Variants in POLE observed in about 807,000 individuals in gnomAD.
The protein encoded by POLE is DNA polymerase epsilon catalytic subunit A.
POLE carries 188 observed loss-of-function variants against 279.2 expected under a neutral mutation model. That is an observed-to-expected ratio of 0.67 (90% CI 0.60 to 0.76). POLE has a LOEUF of 0.76. Ranked by LOEUF, POLE falls within the 30% of genes least tolerant of loss-of-function variation. The probability of loss-of-function intolerance (pLI) is 0.00; values close to 1 mark genes in which losing one functional copy is unlikely to be tolerated. For synonymous variants in POLE, 1,214 were observed against 1,172.5 expected, an observed-to-expected ratio of 1.04 and a Z score of -0.72; for missense variants, 2,703 against 3,016.7, an observed-to-expected ratio of 0.90 and a Z score of 2.44.
intron 5 of POLE, 66 bp downstream of exon 5, chr12:132,679,888 C>G: frequency 8.1e-7 from 1 of 1,228,658 alleles, no homozygotes; most frequent in Non-Finnish European, 1.2e-6. Flanking sequence ...CTCTTCCGAT[C>G]CCACCTGCCA....
chr12:132,672,834 CA>C lies in POLE; in HGVS notation c.1478del (p.Leu493ArgfsTer13), dbSNP rs760070332. 10 of 1,613,508 alleles carry C rather than the reference CA, an allele frequency of 6.2e-6. No individual in the cohort carries two copies. In the African/African-American group the frequency reaches 1.3e-4, roughly 22 times the overall value. On this transcript the variant is annotated frameshift_variant, in exon 15 of 49. Transcript: ENST00000320574. LOFTEE classifies it high-confidence loss of function. Reference protein sequence around the residue: ...TIIPMEPDEVLRKGSGTLCEA... With the variant: ...TIIPMEPDEVXRKGSGTLCEA... ...CACACAGAGTGCCAGAGCCCTTCCG[CA>C]GCACCTGCAAGAGAAACCAAGGCTT...
chr12:132,657,884 T>C lies in POLE; in HGVS notation c.3362A>G (p.Asp1121Gly), dbSNP rs2042581046. 2 of 1,613,000 alleles carry C rather than the reference T, an allele frequency of 1.2e-6. No homozygotes were observed. Among genetic ancestry groups the C allele is most frequent in the Middle Eastern group, 1.6e-4 (1 of 6,062 alleles). Residue 1121 changes from aspartate to glycine, a missense_variant, in exon 27 of 49, where the codon GAC becomes GGC. Coordinates refer to ENST00000320574, the MANE Select transcript of POLE (RefSeq NM_006231.4). ...GGCACTCACTGCTCGAATATCAAAGTCTTGAAGGGAAGAGCTCTTGAGCCA... is the reference window on the plus strand; with the variant it reads ...GGCACTCACTGCTCGAATATCAAAGCCTTGAAGGGAAGAGCTCTTGAGCCA... Reference protein sequence around the residue: ...RKWLKSSSLQDFDIRAILDWD... With the variant: ...RKWLKSSSLQGFDIRAILDWD...
chr12:132,649,143 G>T, intron 31 of POLE, 71 bp from the exon 32 acceptor site: 1 of 1,560,144 alleles, frequency 6.4e-7, no homozygotes, highest in Non-Finnish European at 8.7e-7. Context: ...CACCTTCCAG[G>T]TAGCTTGCAG....
chr12:132,639,369 C>T lies in POLE; in HGVS notation c.5379-71G>A. 6.3e-6 allele frequency: 9 copies of T among 1,439,086 alleles called. No homozygotes were observed. The highest frequency in any genetic ancestry group is 7.7e-6 in the Non-Finnish European group (8 of 1,041,618). 89.1% of individuals were successfully genotyped at this position (1,439,086 alleles called of 1,614,324 possible). On this transcript the variant is annotated intron_variant, in intron 39 of 48. Coordinates refer to ENST00000320574, the MANE Select transcript of POLE (RefSeq NM_006231.4). The surrounding 1 kb of genome is among the most constrained non-coding windows in gnomAD (Gnocchi z 4.7). ...GCTGCTGCCACGCGGGACGCTCCAACTGAAATGGGCACAGGTTTTCCCTAC... is the reference window on the plus strand; with the variant it reads ...GCTGCTGCCACGCGGGACGCTCCAATTGAAATGGGCACAGGTTTTCCCTAC...
In POLE at chr12:132,687,271, C is replaced by G. The variant is rs1314665962; in HGVS notation, c.45G>C (p.Ala15=). 2 of 1,501,146 alleles carry G rather than the reference C, an allele frequency of 1.3e-6. No homozygotes were observed. Among genetic ancestry groups the G allele is most frequent in the Non-Finnish European group, 8.9e-7 (1 of 1,127,454 alleles). The allele number at this position is 1,501,146 out of a possible 1,614,324, so 93.0% of individuals were successfully genotyped here. The change falls in exon 1 of 49, where the codon GCG becomes GCC. Residue 15 remains alanine, a synonymous_variant. Coordinates refer to ENST00000320574, the MANE Select transcript of POLE (RefSeq NM_006231.4). Reference sequence around the variant, plus strand: ...CCCCTCACCTGCTGGCCTCGCCATCCGCGCCTGGGTCCGCGCGCCGCCGCC... The same window carrying G: ...CCCCTCACCTGCTGGCCTCGCCATCGGCGCCTGGGTCCGCGCGCCGCCGCC... ...SGGRRRADPG[A]DGEASRDDGA...
chr12:132,646,558 C>A (rs990201356), intron 32 of POLE, among the ~76,000 whole-genome samples: 4 of 150,230 alleles, frequency 2.7e-5, no homozygotes, highest in African/African-American at 7.3e-5. Context: ...TGGGGCCGGG[C>A]GCCATGGTTC....
intron 25 of POLE, 98 bp from the exon 26 acceptor site, chr12:132,659,607 T>C: frequency 1.0e-6 from 1 of 987,598 alleles, no homozygotes; most frequent in Non-Finnish European, 1.5e-6. Flanking sequence ...TTCTCTAGCC[T>C]GAGACGCAGA....
At position 132,625,604 on chromosome 12, in the gene POLE, T is replaced by A. The variant is rs906399731; in HGVS notation, c.6657+41A>T. On this transcript the variant is annotated intron_variant, in intron 47 of 48. Coordinates refer to ENST00000320574, the MANE Select transcript of POLE (RefSeq NM_006231.4). ...CCGGGAGTGCACAGAAACCCCCCTGTGGACTCCAGGGCACACGGGCAGGCG... is the reference window on the plus strand; with the variant it reads ...CCGGGAGTGCACAGAAACCCCCCTGAGGACTCCAGGGCACACGGGCAGGCG... The A allele has an allele frequency of 2.9e-5, 47 of 1,608,260 alleles. No individual in the cohort carries two copies. Among genetic ancestry groups the A allele is most frequent in the Non-Finnish European group, 3.9e-5 (46 of 1,178,320 alleles).
chr12:132,630,286 T>C (rs2041911303), intron 45 of POLE, among the ~76,000 whole-genome samples: 1 of 152,060 alleles, frequency 6.6e-6, no homozygotes, highest in African/African-American at 2.4e-5. Context: ...AAAATACAGG[T>C]AACCGCTTCG....
intron 47 of POLE, 121 bp from the exon 48 acceptor site, chr12:132,625,115 G>T: frequency 1.3e-6 from 1 of 745,884 alleles, no homozygotes; most frequent in Non-Finnish European, 2.3e-6. Context: ...AGCCCCTGCT[G>T]TGTGCAGCCA....
chr12:132,628,289 A>G (rs1477577896), intron 45 of POLE, among the ~76,000 whole-genome samples: 2 of 152,042 alleles, frequency 1.3e-5, no homozygotes, highest in Non-Finnish European at 2.9e-5. Context: ...GCAGTGAGCC[A>G]AGATCGCGCC....
In POLE at chr12:132,672,811, C is replaced by T; in HGVS notation, c.1502G>A (p.Cys501Tyr). Residue 501 changes from cysteine to tyrosine, a missense_variant, in exon 15 of 49, where the codon TGT becomes TAT. Coordinates refer to ENST00000320574, the MANE Select transcript of POLE (RefSeq NM_006231.4). ...GGCCTGCACCATCAGCAAGGCCTCA[C>T]ACAGAGTGCCAGAGCCCTTCCGCAG... ...EVLRKGSGTL[C>Y]EALLMVQAFH... 6.2e-7 allele frequency: 1 copy of T among 1,614,208 alleles called. No homozygotes were observed. The highest frequency in any genetic ancestry group is 8.5e-7 in the Non-Finnish European group (1 of 1,180,014).
intron 32 of POLE, among the ~76,000 whole-genome samples, chr12:132,648,151 G>A (rs1304480402): frequency 1.3e-5 from 2 of 152,200 alleles, no homozygotes; most frequent in African/African-American, 4.8e-5. Flanking sequence ...GAAAACCCTC[G>A]CAGTTTCTGC....
Position 132,632,513 on chromosome 12 carries a change from A to T in POLE, c.6137-5T>A. On this transcript the variant is annotated splice_polypyrimidine_tract_variant and splice_region_variant and intron_variant, in intron 44 of 48. Coordinates refer to ENST00000320574, the MANE Select transcript of POLE (RefSeq NM_006231.4). ...CCTGAGAGAAGGTGATCATTCCTGG[A>T]AGTATAAGGATGCTGAGGGAGGGGT... The T allele has an allele frequency of 6.2e-7, 1 of 1,613,778 alleles. No homozygotes were observed. Among genetic ancestry groups the T allele is most frequent in the Non-Finnish European group, 8.5e-7 (1 of 1,179,710 alleles).
rs2042384196 is a variant in POLE at position 132,649,870 on chromosome 12, G to A, written c.3602C>T (p.Ser1201Leu). The part of the protein sequence containing the change: ...GRRQVTMAEA[S>L]EDSPRPSAPD... Reference sequence around the variant, plus strand: ...AGCACTTGGCCTCGGACTGTCTTCTGAGGCCTCGGCCATCGTGACCTGGAA... The same window carrying A: ...AGCACTTGGCCTCGGACTGTCTTCTAAGGCCTCGGCCATCGTGACCTGGAA... The change falls in exon 30 of 49, where the codon TCA (serine) becomes TTA (leucine). Residue 1201 changes from serine to leucine, a missense_variant. Ser to Leu is a moderately radical substitution (Grantham distance 145). Around this residue, in one of 5 missense-constraint regions of POLE, gnomAD observed 1,551 missense variants for 1,686.1 expected, o/e 0.92. Coordinates refer to ENST00000320574, the MANE Select transcript of POLE (RefSeq NM_006231.4). 6.2e-7 allele frequency: 1 copy of A among 1,613,980 alleles called. No individual in the cohort carries two copies. Among genetic ancestry groups the A allele is most frequent in the Non-Finnish European group, 8.5e-7 (1 of 1,180,014 alleles).
chr12:132,648,509 G>T, intron 32 of POLE: 1 of 154,094 alleles, frequency 6.5e-6, no homozygotes, highest in Non-Finnish European at 1.4e-5. Context: ...TTAAAAAAAA[G>T]AAAAAAAAAG....
chr12:132,661,640 G>A lies in POLE; in HGVS notation c.2751C>T (p.Ser917=), dbSNP rs750140015. The A allele has an allele frequency of 5.6e-6, 9 of 1,614,046 alleles. No homozygotes were observed. Among genetic ancestry groups the A allele is most frequent in the Non-Finnish European group, 7.6e-6 (9 of 1,180,022 alleles). Residue 917 remains serine (S), a synonymous_variant, in exon 24 of 49, where the codon TCC becomes TCT. Coordinates refer to ENST00000320574, the MANE Select transcript of POLE (RefSeq NM_006231.4). The surrounding 1 kb of genome is among the most constrained non-coding windows in gnomAD (Gnocchi z 4.1). ...CTGAGCGGGTGACGTAGGTGAGTGA[G>A]GACGGCTCAGCCAGCTCCTGGTACT... ...NDQYQELAEP[S]SLTYVTRSEN...
chr12:132,656,762 C>G (rs1216241878), intron 29 of POLE, among the ~76,000 whole-genome samples: 2 of 152,212 alleles, frequency 1.3e-5, no homozygotes, highest in Non-Finnish European at 2.9e-5. Context: ...CTGACTTTCA[C>G]TGTACCTTTT....
intron 1 of POLE, among the ~76,000 whole-genome samples, chr12:132,685,917 C>T (rs949067154): frequency 3.9e-5 from 6 of 152,006 alleles, no homozygotes; most frequent in Admixed American, 3.3e-4. Context: ...TCTTTGTTGC[C>T]CAGCCTGGAG....
Sources: gnomAD v4.1 joint callset for allele counts (sites outside exome capture counted in the v4.1 genomes callset) on GRCh38, gnomAD v4.1.1 for gene constraint, gnomAD v4.1.1 regional missense constraint, Gnocchi (gnomAD v3.1) non-coding constraint, MANE v1.5 for transcripts, NCBI Gene and HGNC (gene_info 2026-07-23, HGNC 2026-07-21) for gene names.